Variants in CHAC2 observed in about 807,000 individuals in gnomAD.
The protein encoded by CHAC2 is ChaC glutathione specific gamma-glutamylcyclotransferase 2, also known as glutathione-specific gamma-glutamylcyclotransferase 2.
Under a neutral mutation model 16.9 loss-of-function variants are expected in CHAC2, and 20 were observed. The observed-to-expected ratio is 1.18, with a 90% CI of 0.83 to 1.72. The LOEUF (loss-of-function observed/expected upper bound fraction) is 1.72, where lower values mean the gene tolerates loss of function less well. CHAC2 is among the 40% of genes most tolerant of loss of function. The probability of loss-of-function intolerance (pLI) is 0.00; values close to 1 mark genes in which losing one functional copy is unlikely to be tolerated. For missense variants in CHAC2, 269 were observed against 222.2 expected (o/e 1.21, Z -1.34); for synonymous variants, 91 against 77.3 (o/e 1.18, Z -0.93).
chr2:53,770,592 C>CT (rs1673835084), intron 1 of CHAC2, among the ~76,000 whole-genome samples: 1 of 149,202 alleles, frequency 6.7e-6, no homozygotes, highest in South Asian at 2.2e-4. Flanking sequence ...TGGACTTTCT[C>CT]TAAGGCTTTC....
At chr2:53,768,234 G>A (rs1181635876) in intron 1 of CHAC2, 11 of 562,898 alleles carry the variant, frequency 2.0e-5, no homozygotes, top group Non-Finnish European at 3.3e-5. Context: ...TAAGATGCCG[G>A]TGGTTAGTCT....
intron 1 of CHAC2, chr2:53,768,270 C>G: frequency 4.4e-6 from 2 of 452,502 alleles, no homozygotes; most frequent in South Asian, 7.2e-5. Flanking sequence ...AGCGCGGGCA[C>G]AGGCGCACGA....
At chr2:53,769,461 G>A (rs893972278) in intron 1 of CHAC2, among the ~76,000 whole-genome samples, 31 of 152,220 alleles carry the variant, frequency 2.0e-4, no homozygotes, top group African/African-American at 6.8e-4. Context: ...TGTACAGTGT[G>A]TTACAAAACA....
In CHAC2 at chr2:53,775,062, T is replaced by G. The variant is rs1674237088; in HGVS notation, c.*537T>G. On this transcript the variant is annotated 3_prime_UTR_variant, in exon 3 of 3. Transcript: ENST00000295304. Reference sequence around the variant, plus strand: ...ATCTTTTGAGTTTTTAGCCAAAAATTGGCATTTTTAAAATACGAAAATTTC... The same window carrying G: ...ATCTTTTGAGTTTTTAGCCAAAAATGGGCATTTTTAAAATACGAAAATTTC... 1 of 152,666 alleles carries G rather than the reference T, an allele frequency of 6.6e-6. No homozygotes were observed. Among genetic ancestry groups the G allele is most frequent in the African/African-American group, 2.4e-5 (1 of 41,454 alleles). The allele number at this position is 152,666 out of a possible 1,614,324, so 9.5% of individuals were successfully genotyped here. A position where few individuals can be genotyped will look rare whatever the true frequency, so the allele number is the denominator to read the frequency against.
chr2:53,774,852 A>T lies in CHAC2; in HGVS notation c.*327A>T, dbSNP rs541823225. 1 of 187,044 alleles carries T rather than the reference A, an allele frequency of 5.3e-6. No homozygotes were observed. Among genetic ancestry groups the T allele is most frequent in the South Asian group, 1.7e-4 (1 of 5,840 alleles). The allele number at this position is 187,044 out of a possible 1,614,324, so 11.6% of individuals were successfully genotyped here. ...TTTCACATCCCAATACTATTTTGAA[A>T]TTCTAAACAATTAAACCAAAATTCC... On this transcript the variant is annotated 3_prime_UTR_variant, in exon 3 of 3. Coordinates refer to ENST00000295304, the MANE Select transcript of CHAC2 (RefSeq NM_001008708.4).
intron 2 of CHAC2, among the ~76,000 whole-genome samples, chr2:53,773,065 G>C (rs183173596): frequency 3.9e-5 from 6 of 152,102 alleles, no homozygotes; most frequent in African/African-American, 7.2e-5. Context: ...AAATCAAGCA[G>C]TTAGTAATGG....
rs1490018187 is a variant in CHAC2, at chr2:53,771,936, T to G, written c.165T>G (p.Asp55Glu). 6.5e-7 allele frequency: 1 copy of G among 1,549,866 alleles called. No homozygotes were observed. Among genetic ancestry groups the G allele is most frequent in the Admixed American group, 1.9e-5 (1 of 53,490 alleles). The change falls in exon 2 of 3, where the codon GAT becomes GAG. Residue 55 changes from aspartate (D) to glutamate (E), a missense_variant. Transcript: ENST00000295304. The stretch of plus-strand genomic sequence containing the variant: ...GAAGAGTTGTGACTCTTGTTGAAGA[T>G]CCTGCGGTATGGTATAAATATTCTT... ...KPGRVVTLVEDPAGCVWGVAY... is the reference protein window; with the variant it reads ...KPGRVVTLVEEPAGCVWGVAY...
Position 53,774,535 on chromosome 2 carries a change from C to A in CHAC2, c.*10C>A. ...CCTCAATTGCATATAATTTAGTCTT[C>A]AGAGAATTAACTTCAGTGCACAATG... On this transcript the variant is annotated 3_prime_UTR_variant, in exon 3 of 3. Transcript: ENST00000295304. The A allele has an allele frequency of 6.6e-7, 1 of 1,514,958 alleles. No individual in the cohort carries two copies. The highest frequency in any genetic ancestry group is 2.4e-5 in the Admixed American group (1 of 42,178). The allele number at this position is 1,514,958 out of a possible 1,614,324, so 93.8% of individuals were successfully genotyped here.
intron 1 of CHAC2, chr2:53,768,322 C>G (rs1673644989): frequency 1.4e-5 from 4 of 285,232 alleles, no homozygotes; most frequent in South Asian, 1.2e-4. Flanking sequence ...CTCCATCTCT[C>G]TGCAACCTCT....
intron 1 of CHAC2, chr2:53,768,248 G>T: frequency 2.0e-6 from 1 of 503,104 alleles, no homozygotes; most frequent in Non-Finnish European, 3.5e-6. Context: ...TTAGTCTCTA[G>T]AGACGGCGAG....
chr2:53,767,972 G>T lies in CHAC2; in HGVS notation c.86G>T (p.Ser29Ile). 6.2e-7 allele frequency: 1 copy of T among 1,614,130 alleles called. No individual in the cohort carries two copies. Among genetic ancestry groups the T allele is most frequent in the Non-Finnish European group, 8.5e-7 (1 of 1,180,010 alleles). ...DKLVGYITNY[S>I]RRFWQGSTDH... Reference sequence around the variant, plus strand: ...CTGGTCGGATACATCACCAACTACAGCAGGCGCTTCTGGCAGGGCAGCACG... The same window carrying T: ...CTGGTCGGATACATCACCAACTACATCAGGCGCTTCTGGCAGGGCAGCACG... The change falls in exon 1 of 3, where the codon AGC (serine) becomes ATC (isoleucine). Residue 29 changes from serine to isoleucine, a missense_variant. Coordinates refer to ENST00000295304, the MANE Select transcript of CHAC2 (RefSeq NM_001008708.4).
At chr2:53,770,314 G>A (rs1471643234) in intron 1 of CHAC2, among the ~76,000 whole-genome samples, 3 of 152,036 alleles carry the variant, frequency 2.0e-5, no homozygotes, top group African/African-American at 7.3e-5. Context: ...TATACGAACA[G>A]ATGAAGACTA....
At chr2:53,772,140 GACA>G (rs1343598022) in intron 2 of CHAC2, among the ~76,000 whole-genome samples, 198 bp downstream of exon 2, 2 of 152,014 alleles carry the variant, frequency 1.3e-5, no homozygotes, top group East Asian at 1.9e-4. Flanking sequence ...GTGCAAGGTA[GACA>G]ACAACGTACA....
intron 2 of CHAC2, 83 bp downstream of exon 2, chr2:53,772,025 T>A: frequency 2.4e-6 from 2 of 819,978 alleles, no homozygotes. Context: ...TTAACAATCA[T>A]CACAGACAAT....
At chr2:53,768,789 A>C (rs187295594) in intron 1 of CHAC2, among the ~76,000 whole-genome samples, 1 of 152,390 alleles carries the variant, frequency 6.6e-6, no homozygotes, top group Non-Finnish European at 1.5e-5. Context: ...ATATGTATAG[A>C]GAATTAGCAG....
intron 1 of CHAC2, among the ~76,000 whole-genome samples, chr2:53,769,672 C>G (rs1673754142): frequency 6.6e-6 from 1 of 152,172 alleles, no homozygotes; most frequent in African/African-American, 2.4e-5. Flanking sequence ...CATGGAGAAA[C>G]CCCCTGTCTA....
intron 2 of CHAC2, 35 bp downstream of exon 2, chr2:53,771,977 A>G (rs779425363): frequency 2.6e-6 from 3 of 1,172,716 alleles, no homozygotes; most frequent in East Asian, 2.5e-5. Flanking sequence ...TATAATTTTA[A>G]TTTTATAAAA....
chr2:53,774,595 C>A lies in CHAC2; in HGVS notation c.*70C>A. 1 of 1,175,514 alleles carries A rather than the reference C, an allele frequency of 8.5e-7. No individual in the cohort carries two copies. The highest frequency in any genetic ancestry group is 1.8e-5 in the South Asian group (1 of 54,966). The allele number at this position is 1,175,514 out of a possible 1,614,324, so 72.8% of individuals were successfully genotyped here. A position where few individuals can be genotyped will look rare whatever the true frequency, so the allele number is the denominator to read the frequency against. On this transcript the variant is annotated 3_prime_UTR_variant, in exon 3 of 3. Coordinates refer to ENST00000295304, the MANE Select transcript of CHAC2 (RefSeq NM_001008708.4). ...TTTGGAAATACGTTTACTTAAAGAT[C>A]TTATTTTTAATGTAGTGAGGATATT...
At chr2:53,773,376 A>T (rs1205349600) in intron 2 of CHAC2, among the ~76,000 whole-genome samples, 1 of 152,116 alleles carries the variant, frequency 6.6e-6, no homozygotes, top group Non-Finnish European at 1.5e-5. Context: ...TATTTCCTTT[A>T]TTGTTTAGTA....
Sources: gnomAD v4.1 joint callset for allele counts (sites outside exome capture counted in the v4.1 genomes callset) on GRCh38, gnomAD v4.1.1 for gene constraint, MANE v1.5 for transcripts, NCBI Gene and HGNC (gene_info 2026-07-23, HGNC 2026-07-21) for gene names.